EIF4EBP1: variants seen among roughly 807,000 people sequenced by gnomAD.
EIF4EBP1 encodes eukaryotic translation initiation factor 4E-binding protein 1.
EIF4EBP1 carries 5 observed loss-of-function variants against 9.2 expected under a neutral mutation model. That is an observed-to-expected ratio of 0.54 (90% confidence interval 0.28 to 1.14). The LOEUF (loss-of-function observed/expected upper bound fraction) is 1.14. Ranked by LOEUF, EIF4EBP1 falls within the 50% of genes most tolerant of loss-of-function variation. EIF4EBP1 has a pLI of 0.09. For synonymous variants in EIF4EBP1, 62 were observed against 67.0 expected (o/e 0.93, Z 0.36); for missense variants, 139 against 169.6 (o/e 0.82, Z 1.00).
chr8:38,036,474 A>G (rs1809304799), intron 1 of EIF4EBP1, among the ~76,000 whole-genome samples: 1 of 152,188 alleles, frequency 6.6e-6, no homozygotes, highest in Non-Finnish European at 1.5e-5. Context: ...TCTCAAAGAA[A>G]AAAGAGAGAG....
At chr8:38,059,403 C>T (rs1413695268) in intron 2 of EIF4EBP1, among the ~76,000 whole-genome samples, 1 of 152,160 alleles carries the variant, frequency 6.6e-6, no homozygotes. Context: ...TCCCCAGAAG[C>T]CAAGCTGAGG....
chr8:38,055,595 A>G (rs1461518368), intron 1 of EIF4EBP1, among the ~76,000 whole-genome samples: 1 of 150,964 alleles, frequency 6.6e-6, no homozygotes, highest in Non-Finnish European at 1.5e-5. Context: ...TTATTTTATT[A>G]TAGAATCTAT....
chr8:38,031,508 G>A (rs985002224), intron 1 of EIF4EBP1, among the ~76,000 whole-genome samples: 4 of 152,170 alleles, frequency 2.6e-5, no homozygotes, highest in Admixed American at 2.6e-4. Flanking sequence ...AAACCTACGC[G>A]CCTGTTTGCA....
intron 1 of EIF4EBP1, among the ~76,000 whole-genome samples, chr8:38,049,164 A>G (rs1183769152): frequency 6.6e-6 from 1 of 151,616 alleles, no homozygotes; most frequent in Non-Finnish European, 1.5e-5. Context: ...AAAGAGAAGT[A>G]TCTCTGTTAT....
chr8:38,055,566 C>G (rs1809583379), intron 1 of EIF4EBP1, among the ~76,000 whole-genome samples: 1 of 151,448 alleles, frequency 6.6e-6, no homozygotes, highest in Non-Finnish European at 1.5e-5. Context: ...ATCACCTTAG[C>G]TTTTGAATTT....
At chr8:38,047,084 C>G (rs1456196459) in intron 1 of EIF4EBP1, among the ~76,000 whole-genome samples, 2 of 152,066 alleles carry the variant, frequency 1.3e-5, no homozygotes, top group East Asian at 3.9e-4. Context: ...TTTCTCTGGG[C>G]CGGGGGTTTA....
chr8:38,038,101 T>C (rs978663006), intron 1 of EIF4EBP1, among the ~76,000 whole-genome samples: 2 of 152,108 alleles, frequency 1.3e-5, no homozygotes, highest in African/African-American at 4.8e-5. Context: ...ACCCTCCTAC[T>C]TATCCTCATA....
At chr8:38,038,507 CAA>C (rs71216646) in intron 1 of EIF4EBP1, among the ~76,000 whole-genome samples, 4 of 127,136 alleles carry the variant, frequency 3.1e-5, no homozygotes, top group Admixed American at 8.3e-5. Context: ...GACTCCATCT[CAA>C]AAAAAAAAAA....
At chr8:38,037,652 G>T (rs1030971357) in intron 1 of EIF4EBP1, among the ~76,000 whole-genome samples, 6 of 152,026 alleles carry the variant, frequency 3.9e-5, no homozygotes, top group African/African-American at 1.4e-4. Flanking sequence ...CTGAGTCTCC[G>T]CTGGCTTAAT....
At chr8:38,048,074 C>T (rs751581798) in intron 1 of EIF4EBP1, among the ~76,000 whole-genome samples, 3 of 151,898 alleles carry the variant, frequency 2.0e-5, no homozygotes, top group Non-Finnish European at 2.9e-5. Flanking sequence ...CCAGCCCACC[C>T]TAGGCAACAT....
At chr8:38,045,897 CCTGA>C (rs1431743489) in intron 1 of EIF4EBP1, among the ~76,000 whole-genome samples, 2 of 151,406 alleles carry the variant, frequency 1.3e-5, no homozygotes, top group Non-Finnish European at 2.9e-5. Context: ...CACCACAACA[CCTGA>C]CTAATTTTTT....
intron 1 of EIF4EBP1, among the ~76,000 whole-genome samples, chr8:38,039,134 C>T (rs144162333): frequency 6.7e-4 from 102 of 151,922 alleles, no homozygotes; most frequent in Middle Eastern, 3.4e-3. Flanking sequence ...TCAGGTGATC[C>T]GCCCACCTCG....
intron 1 of EIF4EBP1, 21 bp downstream of exon 1, chr8:38,030,739 G>A: frequency 7.3e-7 from 1 of 1,377,982 alleles, no homozygotes; most frequent in African/African-American, 1.5e-5. Flanking sequence ...GCTTGGCGAC[G>A]CCGCTTGCCG....
chr8:38,047,786 G>A (rs1205604133), intron 1 of EIF4EBP1, among the ~76,000 whole-genome samples: 1 of 152,176 alleles, frequency 6.6e-6, no homozygotes, highest in Non-Finnish European at 1.5e-5. Context: ...CGCCCAGCCT[G>A]AATCACTTTT....
At chr8:38,047,763 G>T (rs1247881250) in intron 1 of EIF4EBP1, among the ~76,000 whole-genome samples, 3 of 152,222 alleles carry the variant, frequency 2.0e-5, no homozygotes, top group Non-Finnish European at 4.4e-5. Context: ...GAGATTACAG[G>T]CATGAGCCAC....
At chr8:38,042,873 G>A (rs1189640557) in intron 1 of EIF4EBP1, among the ~76,000 whole-genome samples, 3 of 152,146 alleles carry the variant, frequency 2.0e-5, no homozygotes, top group African/African-American at 4.8e-5. Context: ...AGACCAGCCT[G>A]GCCAACATGG....
At chr8:38,031,711 AGCGAGC>A (rs1485658140) in intron 1 of EIF4EBP1, among the ~76,000 whole-genome samples, 6 of 152,212 alleles carry the variant, frequency 3.9e-5, no homozygotes, top group African/African-American at 1.4e-4. Flanking sequence ...TCCCACCAGC[AGCGAGC>A]GCGGCCAGAT....
rs146834740 is a variant in EIF4EBP1, at chr8:38,039,604, A to G, written c.145+8886A>G. On this transcript the variant is annotated intron_variant, in intron 1 of 2. Coordinates refer to ENST00000338825, the MANE Select transcript of EIF4EBP1 (RefSeq NM_004095.4). The stretch of plus-strand genomic sequence containing the variant: ...TTTTTAGTAGAGATGGGGTTTCACC[A>G]TGTTGGCCAGGCTGGTCTCAAACTC... Among the ~76,000 whole-genome samples, 506 of 151,808 alleles carry G rather than the reference A, an allele frequency of 3.3e-3. 2 individuals are homozygous for G. Among genetic ancestry groups the G allele is most frequent in the African/African-American group, 0.011 (446 of 41,416 alleles).
intron 1 of EIF4EBP1, among the ~76,000 whole-genome samples, chr8:38,034,410 G>A (rs1322572123): frequency 2.6e-5 from 4 of 152,114 alleles, no homozygotes; most frequent in African/African-American, 9.7e-5. Flanking sequence ...GAGGTTAGCT[G>A]TCCAGAGTAC....
Sources: allele counts gnomAD v4.1 joint callset (sites outside exome capture counted in the v4.1 genomes callset), GRCh38; gene constraint gnomAD v4.1.1; transcripts MANE v1.5; gene names NCBI Gene and HGNC (gene_info 2026-07-23, HGNC 2026-07-21).